The following KLHL29 variants were observed in gnomAD, a reference collection of about 807,000 sequenced individuals.
The protein encoded by KLHL29 is kelch-like protein 29.
In KLHL29, 21 loss-of-function variants were observed where a neutral mutation model predicts 80.4. The ratio of observed to expected loss-of-function variants is 0.26; its 90% confidence interval spans 0.19 to 0.38. The LOEUF is 0.38. KLHL29 is among the 10% of genes least tolerant of loss of function. KLHL29 has a pLI of 1.00. For synonymous variants in KLHL29, 511 were observed against 526.8 expected (o/e 0.97, Z 0.41); for missense variants, 867 against 1,223.9 (o/e 0.71, Z 4.35).
intron 2 of KLHL29, among the ~76,000 whole-genome samples, chr2:23,483,010 A>C (rs764103393): frequency 6.6e-6 from 1 of 152,218 alleles, no homozygotes. Context: ...TAACGCGATC[A>C]ATTCTTATGT....
chr2:23,474,317 A>C (rs1572343215), intron 1 of KLHL29, among the ~76,000 whole-genome samples: 3 of 152,162 alleles, frequency 2.0e-5, no homozygotes, highest in African/African-American at 7.2e-5. Flanking sequence ...TTTGACCCCT[A>C]TCTCCTAGAC....
intron 3 of KLHL29, among the ~76,000 whole-genome samples, chr2:23,636,960 G>A (rs1213046481): frequency 1.3e-5 from 2 of 152,130 alleles, no homozygotes; most frequent in African/African-American, 4.8e-5. Flanking sequence ...GCCGGAGTGT[G>A]ATTCAGGAGG....
At chr2:23,504,333 C>G (rs886819719) in intron 2 of KLHL29, among the ~76,000 whole-genome samples, 1 of 152,196 alleles carries the variant, frequency 6.6e-6, no homozygotes, top group African/African-American at 2.4e-5. Flanking sequence ...GCCCACCAGC[C>G]TTAGCATTCC....
chr2:23,568,856 G>A (rs926016507), intron 3 of KLHL29, among the ~76,000 whole-genome samples: 1 of 152,218 alleles, frequency 6.6e-6, no homozygotes, highest in Non-Finnish European at 1.5e-5. Context: ...GCATGCCTCA[G>A]GCAGAAAGGA....
intron 2 of KLHL29, among the ~76,000 whole-genome samples, chr2:23,549,431 C>A (rs1055010501): frequency 6.6e-6 from 1 of 152,022 alleles, no homozygotes; most frequent in Admixed American, 6.5e-5. Flanking sequence ...CACACAACCT[C>A]GCAACAGGCT....
intron 2 of KLHL29, among the ~76,000 whole-genome samples, chr2:23,492,905 G>C (rs1013669854): frequency 6.6e-6 from 1 of 152,132 alleles, no homozygotes; most frequent in African/African-American, 2.4e-5. Context: ...CACAGGAAAG[G>C]CACGGGTGTC....
chr2:23,570,748 G>A (rs1160577500), intron 3 of KLHL29, among the ~76,000 whole-genome samples: 2 of 152,230 alleles, frequency 1.3e-5, no homozygotes, highest in South Asian at 2.1e-4. Context: ...GGGAATGGGG[G>A]AATCCTGCTG....
chr2:23,641,270 G>C (rs1183320643), intron 4 of KLHL29, among the ~76,000 whole-genome samples: 2 of 152,150 alleles, frequency 1.3e-5, no homozygotes, highest in African/African-American at 4.8e-5. Context: ...ACCTCATTCA[G>C]CCATATTTTT....
intron 2 of KLHL29, among the ~76,000 whole-genome samples, chr2:23,522,034 G>A (rs1401996395): frequency 6.6e-6 from 1 of 152,202 alleles, no homozygotes; most frequent in Non-Finnish European, 1.5e-5. Flanking sequence ...GTACCCACCT[G>A]ACCTGCTGTG....
chr2:23,462,517 C>T (rs934110017), intron 1 of KLHL29, among the ~76,000 whole-genome samples: 4 of 152,268 alleles, frequency 2.6e-5, no homozygotes, highest in East Asian at 1.9e-4. Context: ...ATAATGATTC[C>T]GTGGTAGGAC....
At chr2:23,511,780 C>T (rs1308612394) in intron 2 of KLHL29, among the ~76,000 whole-genome samples, 3 of 151,796 alleles carry the variant, frequency 2.0e-5, no homozygotes, top group East Asian at 1.9e-4. Context: ...TGTTCTGTGT[C>T]GGTTCGTGGC....
intron 3 of KLHL29, among the ~76,000 whole-genome samples, chr2:23,636,031 G>A (rs796373664): frequency 1.6e-4 from 25 of 152,346 alleles, no homozygotes; most frequent in Middle Eastern, 3.4e-3. Context: ...AACCATGGGA[G>A]GAAAGAGTTA....
intron 3 of KLHL29, among the ~76,000 whole-genome samples, chr2:23,605,514 G>T (rs550285980): frequency 6.6e-6 from 1 of 152,154 alleles, no homozygotes; most frequent in African/African-American, 2.4e-5. Flanking sequence ...CAGGAACTGC[G>T]CATGGTGAGG....
At chr2:23,516,758 C>T (rs543183888) in intron 2 of KLHL29, among the ~76,000 whole-genome samples, 1 of 152,272 alleles carries the variant, frequency 6.6e-6, no homozygotes, top group Non-Finnish European at 1.5e-5. Flanking sequence ...CCAGGGCCCT[C>T]ATCCATGCCT....
chr2:23,620,270 C>G (rs1322797365), intron 3 of KLHL29, among the ~76,000 whole-genome samples: 1 of 152,106 alleles, frequency 6.6e-6, no homozygotes, highest in Non-Finnish European at 1.5e-5. Flanking sequence ...AGTTGGCACT[C>G]GATCCCTTCG....
chr2:23,701,352 T>C (rs928652924), intron 11 of KLHL29, among the ~76,000 whole-genome samples: 14 of 152,232 alleles, frequency 9.2e-5, no homozygotes, highest in African/African-American at 2.4e-4. Context: ...TTCCAGGACA[T>C]ACTCCATCCT....
chr2:23,595,527 A>G (rs911732292), intron 3 of KLHL29, among the ~76,000 whole-genome samples: 2 of 152,244 alleles, frequency 1.3e-5, no homozygotes, highest in African/African-American at 2.4e-5. Flanking sequence ...GGGGCTGGAC[A>G]CTGGCAGAGG....
chr2:23,399,966 A>G (rs1468847959), intron 1 of KLHL29, among the ~76,000 whole-genome samples: 1 of 152,154 alleles, frequency 6.6e-6, no homozygotes, highest in Non-Finnish European at 1.5e-5. Flanking sequence ...CTGTGGGTGG[A>G]CATTGAGATG....
chr2:23,634,078 C>T (rs1669545375), intron 3 of KLHL29, among the ~76,000 whole-genome samples: 1 of 152,168 alleles, frequency 6.6e-6, no homozygotes, highest in Non-Finnish European at 1.5e-5. Flanking sequence ...TCCCATTCTG[C>T]TGGTTGTAAG....
Sources: allele counts gnomAD v4.1 joint callset (sites outside exome capture counted in the v4.1 genomes callset), GRCh38; gene constraint gnomAD v4.1.1; transcripts MANE v1.5; gene names NCBI Gene and HGNC (gene_info 2026-07-23, HGNC 2026-07-21).